Variants in SPHKAP observed in about 807,000 individuals in gnomAD.
The protein encoded by SPHKAP is A-kinase anchor protein SPHKAP.
Under a neutral mutation model 137.5 loss-of-function variants are expected in SPHKAP, and 67 were observed. That is an observed-to-expected ratio of 0.49 (90% CI 0.40 to 0.60). The LOEUF (loss-of-function observed/expected upper bound fraction) is 0.60, where lower values mean the gene tolerates loss of function less well. SPHKAP is among the 20% of genes least tolerant of loss of function. The pLI, the probability that SPHKAP is intolerant of heterozygous loss-of-function variation, is 0.00. For missense variants in SPHKAP, 2,097 were observed against 2,069.3 expected, an observed-to-expected ratio of 1.01 and a Z score of -0.26; for synonymous variants, 813 against 785.3, an observed-to-expected ratio of 1.04 and a Z score of -0.59.
At chr2:228,064,465 G>T (rs1173644220) in intron 3 of SPHKAP, among the ~76,000 whole-genome samples, 1 of 152,084 alleles carries the variant, frequency 6.6e-6, no homozygotes, top group Non-Finnish European at 1.5e-5. Context: ...ATTTGAAAAT[G>T]TTATTTTCAG....
At chr2:228,180,940 G>A (rs943806616) in intron 1 of SPHKAP, among the ~76,000 whole-genome samples, 1 of 152,114 alleles carries the variant, frequency 6.6e-6, no homozygotes, top group African/African-American at 2.4e-5. Flanking sequence ...TGTGGGGGAC[G>A]AGCAAAACCA....
At chr2:228,170,172 G>A (rs986007507) in intron 1 of SPHKAP, among the ~76,000 whole-genome samples, 2 of 152,074 alleles carry the variant, frequency 1.3e-5, no homozygotes, top group Non-Finnish European at 1.5e-5. Flanking sequence ...GATAAAACTT[G>A]AACAAATGAG....
intron 1 of SPHKAP, among the ~76,000 whole-genome samples, chr2:228,167,153 A>G (rs1700445332): frequency 6.6e-6 from 1 of 152,178 alleles, no homozygotes; most frequent in Admixed American, 6.6e-5. Context: ...ACATACATCC[A>G]AACTATATCA....
At chr2:228,052,263 T>C (rs1696284392) in intron 3 of SPHKAP, among the ~76,000 whole-genome samples, 1 of 151,970 alleles carries the variant, frequency 6.6e-6, no homozygotes, top group Non-Finnish European at 1.5e-5. Context: ...TATTTTCTAC[T>C]GGCAATGGTA....
rs750750848 is a variant in SPHKAP at position 228,016,974 on chromosome 2, G to A, written c.3880C>T (p.Arg1294Trp). 9.3e-6 allele frequency: 15 copies of A among 1,614,068 alleles called. No individual in the cohort carries two copies. In the Admixed American group the frequency reaches 1.5e-4, roughly 16 times the overall value. The change falls in exon 7 of 12, where the codon CGG (arginine) becomes TGG (tryptophan). Residue 1294 changes from arginine to tryptophan, a missense_variant. Transcript: ENST00000392056. ...GLCKSDSCLY[R>W]RGGTDHITNM... is the part of the protein sequence containing the mutation. ...GTGATGTGGTCAGTCCCACCTCTCC[G>A]ATACAAGCAAGAGTCAGATTTGCAG...
intron 7 of SPHKAP, among the ~76,000 whole-genome samples, chr2:228,009,330 A>C (rs1694271817): frequency 6.6e-6 from 1 of 152,146 alleles, no homozygotes; most frequent in Non-Finnish European, 1.5e-5. Flanking sequence ...TTTGATTATC[A>C]TGTGCCTTGA....
chr2:228,137,766 T>C (rs1699481158), intron 1 of SPHKAP, among the ~76,000 whole-genome samples: 3 of 152,176 alleles, frequency 2.0e-5, no homozygotes, highest in South Asian at 2.1e-4. Flanking sequence ...TAACAACATA[T>C]GACAACCAAA....
In SPHKAP at chr2:228,132,116, T is replaced by G. The variant is rs370451928; in HGVS notation, c.33-31A>C. 4.5e-5 allele frequency: 68 copies of G among 1,507,086 alleles called. No individual in the cohort carries two copies. The African/African-American group carries it at 7.7e-4, about 17-fold the overall frequency. The allele number at this position is 1,507,086 out of a possible 1,614,324, so 93.4% of individuals were successfully genotyped here. A position where few individuals can be genotyped will look rare whatever the true frequency, so the allele number is the denominator to read the frequency against. On this transcript the variant is annotated intron_variant, in intron 1 of 11. Transcript: ENST00000392056. The stretch of plus-strand genomic sequence containing the variant: ...TGTGACCCAAAACACAAAAACACAT[T>G]CCAGTGAGTCATATCTATATTTGGA...
chr2:228,140,339 C>G (rs947236498), intron 1 of SPHKAP, among the ~76,000 whole-genome samples: 1 of 151,716 alleles, frequency 6.6e-6, no homozygotes, highest in Non-Finnish European at 1.5e-5. Context: ...TCTGCTAAAT[C>G]TAGACTGTAG....
At chr2:228,084,007 G>A (rs899763440) in intron 3 of SPHKAP, among the ~76,000 whole-genome samples, 21 of 151,626 alleles carry the variant, frequency 1.4e-4, no homozygotes, top group African/African-American at 5.1e-4. Flanking sequence ...CAGATGACGG[G>A]TTGATATGGG....
chr2:228,007,254 T>C (rs1694177896), intron 7 of SPHKAP, among the ~76,000 whole-genome samples: 1 of 152,216 alleles, frequency 6.6e-6, no homozygotes, highest in South Asian at 2.1e-4. Flanking sequence ...TATATGTATA[T>C]ACTGTGGAAT....
At chr2:228,106,112 T>C (rs562160864) in intron 3 of SPHKAP, among the ~76,000 whole-genome samples, 3 of 152,322 alleles carry the variant, frequency 2.0e-5, no homozygotes, top group East Asian at 1.9e-4. Flanking sequence ...ACTCATCATT[T>C]GATGCTTGAG....
chr2:228,104,018 A>G (rs1280415224), intron 3 of SPHKAP, among the ~76,000 whole-genome samples: 7 of 151,958 alleles, frequency 4.6e-5, no homozygotes, highest in African/African-American at 1.7e-4. Flanking sequence ...AAATGTTAAA[A>G]TTTGAGGAGT....
chr2:228,066,987 T>A (rs189034421), intron 3 of SPHKAP, among the ~76,000 whole-genome samples: 6 of 152,342 alleles, frequency 3.9e-5, no homozygotes, highest in Non-Finnish European at 5.9e-5. Context: ...TACTCCTTAA[T>A]GTAAAACAGA....
intron 8 of SPHKAP, chr2:227,993,968 C>T (rs1277284473): frequency 1.2e-6 from 1 of 807,828 alleles, no homozygotes; most frequent in East Asian, 1.3e-4. Flanking sequence ...AGGTATTTAT[C>T]TATCGGCAAG....
chr2:228,053,393 A>G (rs1696327607), intron 3 of SPHKAP, among the ~76,000 whole-genome samples: 1 of 152,174 alleles, frequency 6.6e-6, no homozygotes, highest in Non-Finnish European at 1.5e-5. Flanking sequence ...TCAGTCTACA[A>G]TGTATAGGTT....
chr2:228,037,294 G>C (rs963416516), intron 3 of SPHKAP, among the ~76,000 whole-genome samples: 1 of 152,154 alleles, frequency 6.6e-6, no homozygotes, highest in Admixed American at 6.5e-5. Context: ...CTGGTTGACT[G>C]GGCATCAAAG....
chr2:228,078,263 A>G (rs1697247853), intron 3 of SPHKAP, among the ~76,000 whole-genome samples: 1 of 152,222 alleles, frequency 6.6e-6, no homozygotes, highest in Non-Finnish European at 1.5e-5. Context: ...GACCTGAGAG[A>G]TTCCTCAGAT....
At chr2:228,140,320 T>G (rs1035667480) in intron 1 of SPHKAP, among the ~76,000 whole-genome samples, 33 of 152,194 alleles carry the variant, frequency 2.2e-4, no homozygotes, top group African/African-American at 7.5e-4. Context: ...ACTATGTATA[T>G]GACCGCATTC....
Sources: allele counts gnomAD v4.1 joint callset (sites outside exome capture counted in the v4.1 genomes callset), GRCh38; gene constraint gnomAD v4.1.1; transcripts MANE v1.5; gene names NCBI Gene and HGNC (gene_info 2026-07-23, HGNC 2026-07-21).